RBMS3: variants seen among roughly 807,000 people sequenced by gnomAD.
RBMS3 encodes the protein RNA binding motif single stranded interacting protein 3, also known as RNA-binding motif, single-stranded-interacting protein 3.
In RBMS3, 27 loss-of-function variants were observed where a neutral mutation model predicts 66.8. That is an observed-to-expected ratio of 0.40 (90% CI 0.30 to 0.56). The LOEUF is 0.56. Ranked by LOEUF, RBMS3 falls within the 20% of genes least tolerant of loss-of-function variation. RBMS3 has a pLI of 0.40. For synonymous variants in RBMS3, 188 were observed against 183.0 expected, an observed-to-expected ratio of 1.03 and a Z score of -0.22; for missense variants, 513 against 549.5, an observed-to-expected ratio of 0.93 and a Z score of 0.66.
At chr3:29,844,342 C>A (rs1005816147) in intron 6 of RBMS3, among the ~76,000 whole-genome samples, 4 of 152,122 alleles carry the variant, frequency 2.6e-5, no homozygotes, top group Non-Finnish European at 4.4e-5. Flanking sequence ...TGGAGAGTTA[C>A]AACTTATAAA....
intron 4 of RBMS3, among the ~76,000 whole-genome samples, chr3:29,647,341 G>A (rs554483783): frequency 6.6e-6 from 1 of 152,248 alleles, no homozygotes; most frequent in South Asian, 2.1e-4. Context: ...CCCTTGCCAG[G>A]AAGTGTCTTA....
intron 7 of RBMS3, among the ~76,000 whole-genome samples, chr3:29,878,878 CA>C (rs1243805875): frequency 2.7e-5 from 4 of 150,910 alleles, no homozygotes; most frequent in Non-Finnish European, 4.4e-5. Flanking sequence ...CCCATCTCTA[CA>C]AAAAAAAATT....
chr3:29,798,465 G>A (rs1390601947), intron 6 of RBMS3, among the ~76,000 whole-genome samples: 2 of 152,006 alleles, frequency 1.3e-5, no homozygotes, highest in Non-Finnish European at 2.9e-5. Context: ...CAGGGAGAAA[G>A]GAAGGAAAGA....
intron 1 of RBMS3, among the ~76,000 whole-genome samples, chr3:29,355,277 T>G (rs898429919): frequency 2.6e-5 from 4 of 150,962 alleles, no homozygotes; most frequent in African/African-American, 7.3e-5. Flanking sequence ...AAGTAAAAGT[T>G]TGTCTCTATA....
chr3:29,290,292 T>C (rs2032710257), intron 1 of RBMS3, among the ~76,000 whole-genome samples: 1 of 151,914 alleles, frequency 6.6e-6, no homozygotes, highest in African/African-American at 2.4e-5. Context: ...TTAAGAGACT[T>C]GGAATGATTT....
intron 10 of RBMS3, among the ~76,000 whole-genome samples, chr3:29,906,521 T>C (rs997531318): frequency 6.6e-6 from 1 of 152,142 alleles, no homozygotes; most frequent in Non-Finnish European, 1.5e-5. Context: ...ATTTCTAATG[T>C]GTAAGTTTTG....
chr3:29,542,226 C>T (rs1185582208), intron 3 of RBMS3, among the ~76,000 whole-genome samples: 3 of 152,174 alleles, frequency 2.0e-5, no homozygotes, highest in South Asian at 4.1e-4. Flanking sequence ...AAAATAATAA[C>T]TATCCCCCTT....
intron 4 of RBMS3, among the ~76,000 whole-genome samples, chr3:29,695,082 A>T (rs2052206016): frequency 6.6e-6 from 1 of 152,116 alleles, no homozygotes; most frequent in East Asian, 1.9e-4. Flanking sequence ...TTTAAACAAC[A>T]CTTTTGCTCA....
At position 30,007,488 on chromosome 3, in the gene RBMS3, C is replaced by G. The variant is rs1381403744; in HGVS notation, c.*3626C>G. ...ACAATCCAAATGAGAGAAACACTGT[C>G]TCGTCTAAACTCTAGTTTCATGGTC... On this transcript the variant is annotated 3_prime_UTR_variant, in exon 15 of 15. Transcript: ENST00000383767. 1 of 152,024 alleles carries G rather than the reference C, an allele frequency of 6.6e-6. No individual in the cohort carries two copies. Among genetic ancestry groups the G allele is most frequent in the Non-Finnish European group, 1.5e-5 (1 of 67,964 alleles). 9.4% of individuals were successfully genotyped at this position (152,024 alleles called of 1,614,324 possible). A position where few individuals can be genotyped will look rare whatever the true frequency, so the allele number is the denominator to read the frequency against.
intron 6 of RBMS3, among the ~76,000 whole-genome samples, chr3:29,828,243 A>G (rs761592171): frequency 6.6e-6 from 1 of 152,124 alleles, no homozygotes; most frequent in African/African-American, 2.4e-5. Flanking sequence ...ACTATACCGT[A>G]GACTCCTCTC....
chr3:29,509,342 A>G (rs1037684772), intron 3 of RBMS3, among the ~76,000 whole-genome samples: 1 of 152,158 alleles, frequency 6.6e-6, no homozygotes, highest in Admixed American at 6.5e-5. Context: ...AGCACCCCAC[A>G]TTTACTAATA....
At chr3:29,517,039 C>A (rs1421071820) in intron 3 of RBMS3, among the ~76,000 whole-genome samples, 1 of 151,710 alleles carries the variant, frequency 6.6e-6, no homozygotes, top group African/African-American at 2.4e-5. Context: ...ATAGTGAAAC[C>A]GATCTCTACT....
intron 3 of RBMS3, among the ~76,000 whole-genome samples, chr3:29,517,185 C>T (rs934999491): frequency 1.3e-5 from 2 of 151,504 alleles, no homozygotes; most frequent in African/African-American, 2.4e-5. Flanking sequence ...TGCACTCCAG[C>T]CTGGGCGACA....
chr3:29,597,727 T>C (rs895892067), intron 4 of RBMS3, among the ~76,000 whole-genome samples: 2 of 152,150 alleles, frequency 1.3e-5, no homozygotes, highest in African/African-American at 4.8e-5. Flanking sequence ...TTTTTTTCCC[T>C]ATTGAAATGG....
At chr3:29,504,285 G>A (rs971076101) in intron 3 of RBMS3, among the ~76,000 whole-genome samples, 3 of 152,034 alleles carry the variant, frequency 2.0e-5, no homozygotes, top group Non-Finnish European at 4.4e-5. Flanking sequence ...TCTTGGTCCA[G>A]GGAGCAGCAG....
chr3:29,342,847 T>C (rs1306471075), intron 1 of RBMS3, among the ~76,000 whole-genome samples: 1 of 152,158 alleles, frequency 6.6e-6, no homozygotes, highest in Non-Finnish European at 1.5e-5. Context: ...TAAAATTATA[T>C]GATTCTAAGT....
At chr3:29,431,626 T>C (rs1436142049) in intron 1 of RBMS3, among the ~76,000 whole-genome samples, 1 of 152,124 alleles carries the variant, frequency 6.6e-6, no homozygotes. Flanking sequence ...ATCTGGAGGC[T>C]CTGGGTTTTG....
chr3:29,344,997 C>G (rs1190972500), intron 1 of RBMS3, among the ~76,000 whole-genome samples: 1 of 152,164 alleles, frequency 6.6e-6, no homozygotes, highest in African/African-American at 2.4e-5. Context: ...TCTTAATTAT[C>G]AGTTGTTGAA....
chr3:29,388,855 C>A (rs991502627), intron 1 of RBMS3, among the ~76,000 whole-genome samples: 1 of 152,078 alleles, frequency 6.6e-6, no homozygotes, highest in Non-Finnish European at 1.5e-5. Context: ...TGAGTCACTG[C>A]GCCTGGCCCA....
Sources: gnomAD v4.1 joint callset for allele counts (sites outside exome capture counted in the v4.1 genomes callset) on GRCh38, gnomAD v4.1.1 for gene constraint, MANE v1.5 for transcripts, NCBI Gene and HGNC (gene_info 2026-07-23, HGNC 2026-07-21) for gene names.